HEMK2: variants seen among roughly 807,000 people sequenced by gnomAD.
HEMK2 encodes the protein methyltransferase HEMK2.
chr21:28,876,401 T>C, the HEMK2 span: 7 of 1,609,904 alleles, frequency 4.3e-6, no homozygotes, highest in African/African-American at 6.7e-5. Context: ...CTTGGTGAAC[T>C]TGAGGACTGA....
chr21:28,690,825 C>T, the HEMK2 span, among the ~76,000 whole-genome samples: 1 of 152,166 alleles, frequency 6.6e-6, no homozygotes, highest in African/African-American at 2.4e-5. Flanking sequence ...TATACAGCAT[C>T]TCCCTCCATC....
At chr21:28,751,234 G>GAAAAA in the HEMK2 span, among the ~76,000 whole-genome samples, 11 of 125,398 alleles carry the variant, frequency 8.8e-5, no homozygotes, top group African/African-American at 3.4e-4. Flanking sequence ...CTGTCTCAAT[G>GAAAAA]AAAAAAAAAA....
At chr21:28,704,603 T>C in the HEMK2 span, among the ~76,000 whole-genome samples, 44 of 150,898 alleles carry the variant, frequency 2.9e-4, no homozygotes, top group Admixed American at 5.3e-4. Context: ...ACTAGGGTTA[T>C]GAAATGCAGG....
chr21:28,745,952 C>A, the HEMK2 span, among the ~76,000 whole-genome samples: 83,677 of 152,082 alleles, frequency 0.55, 26,175 homozygotes, highest in African/African-American at 0.85. Context: ...CACTCCCAGA[C>A]AGAGAAACCT....
the HEMK2 span, among the ~76,000 whole-genome samples, chr21:28,650,948 G>C: frequency 5.9e-5 from 9 of 152,122 alleles, no homozygotes; most frequent in Admixed American, 5.2e-4. Flanking sequence ...GCTAAAGGTG[G>C]GTACAGAGTG....
the HEMK2 span, among the ~76,000 whole-genome samples, chr21:28,772,370 G>A: frequency 6.6e-6 from 1 of 152,106 alleles, no homozygotes; most frequent in African/African-American, 2.4e-5. Context: ...ATAAGAGCAA[G>A]ACCAACTTGT....
chr21:28,618,925 A>G, the HEMK2 span, among the ~76,000 whole-genome samples: 7 of 152,214 alleles, frequency 4.6e-5, no homozygotes, highest in African/African-American at 1.2e-4. Flanking sequence ...AAATTCATGT[A>G]AAGTCCAACC....
chr21:28,705,774 C>G, the HEMK2 span, among the ~76,000 whole-genome samples: 1 of 152,122 alleles, frequency 6.6e-6, no homozygotes, highest in Non-Finnish European at 1.5e-5. Flanking sequence ...GGTAAATCAA[C>G]GTTCTCGCCT....
chr21:28,735,323 G>C, the HEMK2 span, among the ~76,000 whole-genome samples: 1 of 152,080 alleles, frequency 6.6e-6, no homozygotes, highest in Admixed American at 6.5e-5. Context: ...TTTTTAGCTG[G>C]AGGCTCTGGG....
At chr21:28,808,160 G>T in the HEMK2 span, among the ~76,000 whole-genome samples, 9 of 152,104 alleles carry the variant, frequency 5.9e-5, no homozygotes, top group African/African-American at 2.2e-4. Flanking sequence ...AAATTGGGCT[G>T]CATGGACAGG....
chr21:28,796,668 G>C, the HEMK2 span, among the ~76,000 whole-genome samples: 3 of 152,168 alleles, frequency 2.0e-5, no homozygotes, highest in Non-Finnish European at 4.4e-5. Context: ...GGGCTCAAGT[G>C]ATCCTCCCAC....
chr21:28,856,361 G>T, the HEMK2 span, among the ~76,000 whole-genome samples: 2 of 152,000 alleles, frequency 1.3e-5, no homozygotes, highest in Admixed American at 1.3e-4. Flanking sequence ...GTTGCAGTGA[G>T]CTGAGATCGT....
At chr21:28,837,043 A>C in the HEMK2 span, among the ~76,000 whole-genome samples, 1 of 152,254 alleles carries the variant, frequency 6.6e-6, no homozygotes, top group Non-Finnish European at 1.5e-5. Flanking sequence ...GAAATTTATA[A>C]AACAATTACT....
At chr21:28,609,349 G>A in the HEMK2 span, among the ~76,000 whole-genome samples, 1 of 152,110 alleles carries the variant, frequency 6.6e-6, no homozygotes, top group African/African-American at 2.4e-5. Flanking sequence ...AGGGGAAAGA[G>A]GAGAGCACCA....
the HEMK2 span, among the ~76,000 whole-genome samples, chr21:28,724,097 A>G: frequency 2.0e-5 from 3 of 152,254 alleles, no homozygotes; most frequent in African/African-American, 7.2e-5. Flanking sequence ...AAGAGAGATC[A>G]GAAACTCAAT....
At chr21:28,680,741 T>C in the HEMK2 span, among the ~76,000 whole-genome samples, 4,134 of 152,210 alleles carry the variant, frequency 0.027, 156 homozygotes, top group East Asian at 0.14. Context: ...GCAAGGCTGG[T>C]TCAACATATG....
chr21:28,733,204 G>A, the HEMK2 span, among the ~76,000 whole-genome samples: 292 of 152,246 alleles, frequency 1.9e-3, 1 homozygote, highest in African/African-American at 6.5e-3. Context: ...GTGTGAACCC[G>A]GGAGGCGGAG....
the HEMK2 span, among the ~76,000 whole-genome samples, chr21:28,605,569 T>C: frequency 6.8e-4 from 103 of 152,132 alleles, 1 homozygote; most frequent in African/African-American, 2.4e-3. Flanking sequence ...ACTGAATCCA[T>C]ATGGAAACTT....
At chr21:28,773,093 A>G in the HEMK2 span, among the ~76,000 whole-genome samples, 9 of 152,184 alleles carry the variant, frequency 5.9e-5, no homozygotes, top group African/African-American at 2.2e-4. Context: ...CTCTTAGAAC[A>G]GGTAGCTCTA....
Sources: gnomAD v4.1 joint callset for allele counts (sites outside exome capture counted in the v4.1 genomes callset) on GRCh38, gnomAD v4.1.1 for gene constraint, MANE v1.5 for transcripts, NCBI Gene and HGNC (gene_info 2026-07-23, HGNC 2026-07-21) for gene names.